Variants in FAT4 observed in about 807,000 individuals in gnomAD.
FAT4 encodes the protein protocadherin Fat 4.
A neutral mutation model predicts 303.9 loss-of-function variants in FAT4; 84 were observed. The observed-to-expected ratio is 0.28, with a 90% CI of 0.23 to 0.33. The LOEUF (loss-of-function observed/expected upper bound fraction) is 0.33. FAT4 is among the 10% of genes least tolerant of loss of function. The pLI, the probability that FAT4 is intolerant of heterozygous loss-of-function variation, is 1.00. For synonymous variants in FAT4, 2,307 were observed against 2,298.8 expected (o/e 1.00, Z -0.10); for missense variants, 6,005 against 6,146.8 (o/e 0.98, Z 0.77).
Position 125,491,283 on chromosome 4 carries a change from A to G in FAT4, c.14467A>G (p.Arg4823Gly). 6.2e-7 allele frequency: 1 copy of G among 1,614,162 alleles called. No homozygotes were observed. The highest frequency in any genetic ancestry group is 8.5e-7 in the Non-Finnish European group (1 of 1,180,030). ...GTCTTCTTCAGAGGAGGACTGCAGAAGGCCACTGTCTAGAACAAGGAATCC... is the reference window on the plus strand; with the variant it reads ...GTCTTCTTCAGAGGAGGACTGCAGAGGGCCACTGTCTAGAACAAGGAATCC... Reference protein sequence around the residue: ...GRSSSEEDCRRPLSRTRNPAD... With the variant: ...GRSSSEEDCRGPLSRTRNPAD... The change falls in exon 18 of 18, where the codon AGG becomes GGG. Residue 4823 changes from arginine (R) to glycine (G), a missense_variant. Transcript: ENST00000394329.
At chr4:125,393,843 T>G in intron 2 of FAT4, 1 of 669,310 alleles carries the variant, frequency 1.5e-6, no homozygotes, top group Non-Finnish European at 2.8e-6. Context: ...GTCATGTGTT[T>G]GTCTCTAAAT....
At chr4:125,435,362 T>C (rs1175091966) in intron 8 of FAT4, among the ~76,000 whole-genome samples, 1 of 152,140 alleles carries the variant, frequency 6.6e-6, no homozygotes, top group East Asian at 1.9e-4. Flanking sequence ...TATAGGCTGG[T>C]ATTAGGTAAA....
At chr4:125,454,066 G>C (rs907646603) in intron 10 of FAT4, among the ~76,000 whole-genome samples, 2 of 152,146 alleles carry the variant, frequency 1.3e-5, no homozygotes, top group Non-Finnish European at 2.9e-5. Context: ...CATTTGTAAA[G>C]CATGCATATT....
At chr4:125,395,698 G>C (rs751173451) in intron 2 of FAT4, among the ~76,000 whole-genome samples, 2 of 151,954 alleles carry the variant, frequency 1.3e-5, no homozygotes, top group Non-Finnish European at 2.9e-5. Context: ...ATGACCTATG[G>C]AATTCTTACT....
intron 2 of FAT4, among the ~76,000 whole-genome samples, chr4:125,396,860 T>G (rs1734197660): frequency 6.6e-6 from 1 of 151,174 alleles, no homozygotes; most frequent in African/African-American, 2.4e-5. Flanking sequence ...TTTACGTGTA[T>G]AAAGTGAAGA....
intron 16 of FAT4, among the ~76,000 whole-genome samples, chr4:125,482,937 C>A (rs1727278465): frequency 6.6e-6 from 1 of 152,076 alleles, no homozygotes; most frequent in Non-Finnish European, 1.5e-5. Flanking sequence ...TAGATTTTAC[C>A]CCCATGGGAC....
intron 11 of FAT4, among the ~76,000 whole-genome samples, chr4:125,465,215 A>G (rs575559178): frequency 6.6e-6 from 1 of 152,320 alleles, no homozygotes; most frequent in African/African-American, 2.4e-5. Context: ...TCAGTCCAGT[A>G]TGACATTCAC....
chr4:125,322,982 G>A (rs933808989), intron 2 of FAT4, among the ~76,000 whole-genome samples: 2 of 151,866 alleles, frequency 1.3e-5, no homozygotes, highest in African/African-American at 2.4e-5. Context: ...TGTAGCTCAG[G>A]CCATGATTTA....
intron 11 of FAT4, among the ~76,000 whole-genome samples, chr4:125,468,224 T>G (rs1214154945): frequency 7.9e-5 from 12 of 152,058 alleles, no homozygotes; most frequent in African/African-American, 2.9e-4. Flanking sequence ...TCAGACATAC[T>G]CCATTCCACT....
rs145689547 is a variant in FAT4, at chr4:125,341,383, T to G, written c.5175+19797T>G. On this transcript the variant is annotated intron_variant, in intron 2 of 17. Coordinates refer to ENST00000394329, the MANE Select transcript of FAT4 (RefSeq NM_001291303.3). The stretch of plus-strand genomic sequence containing the variant: ...TACAAATGTTAGAGATTTGTTAGTT[T>G]TTACATTATACTTCTATTAACTGTA... Among the ~76,000 whole-genome samples, 3 of 152,246 alleles carry G rather than the reference T, an allele frequency of 2.0e-5. No homozygotes were observed. The East Asian group carries it at 5.8e-4, about 29-fold the overall frequency.
At position 125,320,098 on chromosome 4, in the gene FAT4, G is replaced by T; in HGVS notation, c.3687G>T (p.Val1229=). ...ISESAANLTQ[V]LRVSASDVDE... Reference sequence around the variant, plus strand: ...AATCAGCAGCCAATCTGACACAAGTGTTAAGAGTATCTGCCTCAGATGTTG... The same window carrying T: ...AATCAGCAGCCAATCTGACACAAGTTTTAAGAGTATCTGCCTCAGATGTTG... The change falls in exon 2 of 18, where the codon GTG becomes GTT. Residue 1229 remains valine (V), a synonymous_variant. Coordinates refer to ENST00000394329, the MANE Select transcript of FAT4 (RefSeq NM_001291303.3). 1 of 1,613,824 alleles carries T rather than the reference G, an allele frequency of 6.2e-7. No individual in the cohort carries two copies. Among genetic ancestry groups the T allele is most frequent in the East Asian group, 2.2e-5 (1 of 44,876 alleles).
At chr4:125,339,042 C>G (rs1731675554) in intron 2 of FAT4, among the ~76,000 whole-genome samples, 1 of 152,140 alleles carries the variant, frequency 6.6e-6, no homozygotes, top group South Asian at 2.1e-4. Flanking sequence ...TGTGCTGTTA[C>G]CATCTCTGTC....
chr4:125,482,254 A>G (rs1367367360), intron 16 of FAT4, among the ~76,000 whole-genome samples: 2 of 152,210 alleles, frequency 1.3e-5, no homozygotes, highest in Non-Finnish European at 2.9e-5. Context: ...TCTGTGGAGT[A>G]AAGTATATTT....
intron 8 of FAT4, among the ~76,000 whole-genome samples, chr4:125,436,907 T>C (rs1725473292): frequency 6.6e-6 from 1 of 151,962 alleles, no homozygotes; most frequent in Admixed American, 6.6e-5. Context: ...CAGGCTGGAG[T>C]GCAGTGGCAC....
At chr4:125,416,304 T>A in intron 6 of FAT4, 144 bp from the exon 7 acceptor site, 1 of 753,000 alleles carries the variant, frequency 1.3e-6, no homozygotes, top group South Asian at 1.9e-5. Context: ...TAGTGTGCCA[T>A]TTTTATTTTT....
rs1731213498 is a variant in FAT4 at position 125,327,730 on chromosome 4, T to G, written c.5175+6144T>G. Among the ~76,000 whole-genome samples, 6 of 152,370 alleles carry G rather than the reference T, an allele frequency of 3.9e-5. No individual in the cohort carries two copies. In the South Asian group the frequency reaches 1.2e-3, roughly 32 times the overall value. ...TTTACAATTTATTACTTTTTTATCT[T>G]TATTAAAACCCTAATGATTTTAATT... On this transcript the variant is annotated intron_variant, in intron 2 of 17. Coordinates refer to ENST00000394329, the MANE Select transcript of FAT4 (RefSeq NM_001291303.3).
intron 11 of FAT4, among the ~76,000 whole-genome samples, chr4:125,468,301 T>G (rs2126075807): frequency 6.6e-6 from 1 of 152,278 alleles, no homozygotes; most frequent in South Asian, 2.1e-4. Flanking sequence ...GAAAAATAAT[T>G]ACATCAGTTA....
At chr4:125,327,024 C>CA (rs998924808) in intron 2 of FAT4, among the ~76,000 whole-genome samples, 4 of 150,918 alleles carry the variant, frequency 2.7e-5, no homozygotes, top group East Asian at 1.9e-4. Context: ...GACTTTATCT[C>CA]AAAAAAAAAT....
At chr4:125,367,081 C>A (rs1331776073) in intron 2 of FAT4, among the ~76,000 whole-genome samples, 1 of 151,822 alleles carries the variant, frequency 6.6e-6, no homozygotes, top group Non-Finnish European at 1.5e-5. Flanking sequence ...TTTCTTTTGC[C>A]ATACAGAAGC....
Sources: gnomAD v4.1 joint callset for allele counts (sites outside exome capture counted in the v4.1 genomes callset) on GRCh38, gnomAD v4.1.1 for gene constraint, MANE v1.5 for transcripts, NCBI Gene and HGNC (gene_info 2026-07-23, HGNC 2026-07-21) for gene names.